Variants in JRK observed in about 807,000 individuals in gnomAD.
The protein encoded by JRK is Jrk helix-turn-helix protein.
For missense variants in JRK, 720 were observed against 509.2 expected, an observed-to-expected ratio of 1.41 and a Z score of -3.98; for synonymous variants, 303 against 218.1, an observed-to-expected ratio of 1.39 and a Z score of -3.43.
chr8:142,659,762 G>A lies in JRK; in HGVS notation c.*4590C>T. ...AAGGTCATGCAGCTGGTGAACAGCA[G>A]GGAGTGAGCAGTGGAGAACGTGAGG... On this transcript the variant is annotated 3_prime_UTR_variant, in exon 2 of 2. Transcript: ENST00000612905. 1.0e-6 allele frequency: 1 copy of A among 985,514 alleles called. No individual in the cohort carries two copies. Among genetic ancestry groups the A allele is most frequent in the Non-Finnish European group, 1.2e-6 (1 of 829,962 alleles). 61.0% of individuals were successfully genotyped at this position (985,514 alleles called of 1,614,324 possible).
At position 142,664,023 on chromosome 8, in the gene JRK, G is replaced by A. The variant is rs1288460754; in HGVS notation, c.*329C>T. The A allele has an allele frequency of 8.8e-7, 1 of 1,130,278 alleles. No homozygotes were observed. The highest frequency in any genetic ancestry group is 4.6e-5 in the East Asian group (1 of 21,678). The allele number at this position is 1,130,278 out of a possible 1,614,324, so 70.0% of individuals were successfully genotyped here. ...CCTCTGATACTGCAATGATCAGCCA[G>A]CGAACACGAGACCAGATCGGCTCAG... On this transcript the variant is annotated 3_prime_UTR_variant, in exon 2 of 2. Coordinates refer to ENST00000612905, the MANE Select transcript of JRK (RefSeq NM_003724.4).
downstream of JRK, among the ~76,000 whole-genome samples, chr8:142,656,500 T>C (rs1476775453): frequency 1.4e-5 from 1 of 69,972 alleles, no homozygotes; most frequent in Non-Finnish European, 3.8e-5. Context: ...GTTAATCCAA[T>C]CAAATTTGGG....
rs781967482 is a variant in JRK, at chr8:142,665,812, T to C, written c.247A>G (p.Thr83Ala). The change falls in exon 2 of 2, where the codon ACG becomes GCG. Residue 83 changes from threonine (T) to alanine (A), a missense_variant. By Grantham distance (58) the Thr-to-Ala change is moderately conservative. Transcript: ENST00000612905. The part of the protein sequence containing the change: ...KALEQRRTLH[T>A]PKLEHLDRVL... ...CGGTCCAGGTGCTCCAGCTTGGGCG[T>C]GTGCAGCGTGCGCCGCTGCTCCAGC... 2 of 778,960 alleles carry C rather than the reference T, an allele frequency of 2.6e-6. No homozygotes were observed. The highest frequency in any genetic ancestry group is 4.8e-6 in the Non-Finnish European group (2 of 417,684). 48.3% of individuals were successfully genotyped at this position (778,960 alleles called of 1,614,324 possible).
At chr8:142,668,870 C>T (rs1847218403) in intron 1 of JRK, among the ~76,000 whole-genome samples, 1 of 151,758 alleles carries the variant, frequency 6.6e-6, no homozygotes, top group South Asian at 2.1e-4. Context: ...GCTGAGTCTC[C>T]TCCAGGACGC....
At chr8:142,655,413 G>T (rs1315895585), downstream of JRK, among the ~76,000 whole-genome samples, 1 of 152,200 alleles carries the variant, frequency 6.6e-6, no homozygotes, top group Non-Finnish European at 1.5e-5. Flanking sequence ...AGGACAACAG[G>T]TGCCACCAGG....
Position 142,665,285 on chromosome 8 carries a change from C to T in JRK, c.774G>A (p.Gly258=). 1 of 717,842 alleles carries T rather than the reference C, an allele frequency of 1.4e-6. No individual in the cohort carries two copies. Among genetic ancestry groups the T allele is most frequent in the South Asian group, 1.5e-5 (1 of 67,596 alleles). 44.5% of individuals were successfully genotyped at this position (717,842 alleles called of 1,614,324 possible). A position where few individuals can be genotyped will look rare whatever the true frequency, so the allele number is the denominator to read the frequency against. Residue 258 remains glycine, a synonymous_variant, in exon 2 of 2, where the codon GGG becomes GGA. Coordinates refer to ENST00000612905, the MANE Select transcript of JRK (RefSeq NM_003724.4). ...AAATCTCCTTGTCCACCCAGGCGTT[C>T]CCCTGGGCCTTATAGGCGACGGGCA... The part of the protein sequence containing the change: ...QHLPVAYKAQ[G]NAWVDKEIFS...
Position 142,659,758 on chromosome 8 carries a change from A to C in JRK, c.*4594T>G, listed in dbSNP as rs3735993. Reference sequence around the variant, plus strand: ...GCTCAAGGTCATGCAGCTGGTGAACAGCAGGGAGTGAGCAGTGGAGAACGT... The same window carrying C: ...GCTCAAGGTCATGCAGCTGGTGAACCGCAGGGAGTGAGCAGTGGAGAACGT... On this transcript the variant is annotated 3_prime_UTR_variant, in exon 2 of 2. Transcript: ENST00000612905. 2.0e-6 allele frequency: 2 copies of C among 985,366 alleles called. No individual in the cohort carries two copies. The highest frequency in any genetic ancestry group is 3.5e-5 in the African/African-American group (2 of 57,288). 61.0% of individuals were successfully genotyped at this position (985,366 alleles called of 1,614,324 possible). A position where few individuals can be genotyped will look rare whatever the true frequency, so the allele number is the denominator to read the frequency against.
Position 142,665,093 on chromosome 8 carries a change from G to A in JRK, c.966C>T (p.Ala322=). ...TGGGCTGCACCAATGAGGCCACGCT[G>A]GCAGGCAGGAAGATGGTGAAAACGT... ...SSNVFTIFLP[A]SVASLVQPME... is the part of the protein sequence containing the mutation. The change falls in exon 2 of 2, where the codon GCC becomes GCT. Residue 322 remains alanine (A), a synonymous_variant. Transcript: ENST00000612905. The A allele has an allele frequency of 2.8e-6, 2 of 717,918 alleles. No homozygotes were observed. The highest frequency in any genetic ancestry group is 2.6e-6 in the Non-Finnish European group (1 of 385,110). 44.5% of individuals were successfully genotyped at this position (717,918 alleles called of 1,614,324 possible).
In JRK at chr8:142,666,341, G is replaced by A; in HGVS notation, c.-283C>T. ...TGCCAATTCTCTCTGTGGAGGAGGTGACCCTGTCAGACTCCCCTCTGCTGC... is the reference window on the plus strand; with the variant it reads ...TGCCAATTCTCTCTGTGGAGGAGGTAACCCTGTCAGACTCCCCTCTGCTGC... On this transcript the variant is annotated 5_prime_UTR_variant, in exon 2 of 2. Transcript: ENST00000612905. 1.9e-6 allele frequency: 1 copy of A among 532,098 alleles called. No individual in the cohort carries two copies. The allele number at this position is 532,098 out of a possible 1,614,324, so 33.0% of individuals were successfully genotyped here. A position where few individuals can be genotyped will look rare whatever the true frequency, so the allele number is the denominator to read the frequency against.
the JRK span, among the ~76,000 whole-genome samples, chr8:142,645,851 C>G: frequency 1.3e-5 from 2 of 152,190 alleles, no homozygotes; most frequent in Non-Finnish European, 2.9e-5. Flanking sequence ...AATTACTTCT[C>G]TTTAAGCTTT....
At position 142,666,128 on chromosome 8, in the gene JRK, C is replaced by G; in HGVS notation, c.-70G>C. On this transcript the variant is annotated 5_prime_UTR_variant, in exon 2 of 2. Coordinates refer to ENST00000612905, the MANE Select transcript of JRK (RefSeq NM_003724.4). ...CCTGGGCTGCTGCCACTACTTCCCT[C>G]TCCTCCTGCTCCCCTTCTGGGGCTC... The G allele has an allele frequency of 6.5e-7, 1 of 1,550,214 alleles. No homozygotes were observed. Among genetic ancestry groups the G allele is most frequent in the Non-Finnish European group, 8.7e-7 (1 of 1,147,182 alleles).
At chr8:142,655,569 G>A (rs777759621), downstream of JRK, among the ~76,000 whole-genome samples, 1 of 150,636 alleles carries the variant, frequency 6.6e-6, no homozygotes, top group Non-Finnish European at 1.5e-5. Flanking sequence ...AAGGGATGCA[G>A]TGAGATCCCA....
chr8:142,654,991 T>C (rs1260779704), downstream of JRK, among the ~76,000 whole-genome samples: 3 of 152,234 alleles, frequency 2.0e-5, no homozygotes, highest in East Asian at 3.9e-4. Flanking sequence ...CAAGGTGGCT[T>C]TGAGGAGGCC....
Position 142,662,755 on chromosome 8 carries a change from G to T in JRK, c.*1597C>A, listed in dbSNP as rs1440088828. ...CTTCATGAGAACAGAGGTTTCAGTG[G>T]AATCAACAGCAGACGCTGGAATGCA... On this transcript the variant is annotated 3_prime_UTR_variant, in exon 2 of 2. Transcript: ENST00000612905. 2.0e-6 allele frequency: 2 copies of T among 985,360 alleles called. No individual in the cohort carries two copies. Among genetic ancestry groups the T allele is most frequent in the African/African-American group, 3.5e-5 (2 of 57,250 alleles). 61.0% of individuals were successfully genotyped at this position (985,360 alleles called of 1,614,324 possible).
chr8:142,665,825 C>A lies in JRK; in HGVS notation c.234G>T (p.Arg78=). 1.3e-6 allele frequency: 1 copy of A among 779,136 alleles called. No homozygotes were observed. The highest frequency in any genetic ancestry group is 2.4e-5 in the East Asian group (1 of 41,244). 48.3% of individuals were successfully genotyped at this position (779,136 alleles called of 1,614,324 possible). A position where few individuals can be genotyped will look rare whatever the true frequency, so the allele number is the denominator to read the frequency against. Residue 78 remains arginine (R), a synonymous_variant, in exon 2 of 2, where the codon CGG becomes CGT. Transcript: ENST00000612905. ...CCAGCTTGGGCGTGTGCAGCGTGCG[C>A]CGCTGCTCCAGCGCCTTGTTGGAGT... ...SSDSNKALEQ[R]RTLHTPKLEH...
rs188539963 is a variant in JRK, at chr8:142,658,249, A to T, written c.*6103T>A. 2 of 152,392 alleles carry T rather than the reference A, an allele frequency of 1.3e-5. No homozygotes were observed. Among genetic ancestry groups the T allele is most frequent in the African/African-American group, 4.8e-5 (2 of 41,594 alleles). 9.4% of individuals were successfully genotyped at this position (152,392 alleles called of 1,614,324 possible). A position where few individuals can be genotyped will look rare whatever the true frequency, so the allele number is the denominator to read the frequency against. Reference sequence around the variant, plus strand: ...AGTCAGTTTTGATTGCGATAACAAAATACCACAGGCTAGGTGTCTTAAACA... The same window carrying T: ...AGTCAGTTTTGATTGCGATAACAAATTACCACAGGCTAGGTGTCTTAAACA... On this transcript the variant is annotated 3_prime_UTR_variant, in exon 2 of 2. Transcript: ENST00000612905.
chr8:142,667,960 T>G (rs1034839708), intron 1 of JRK, among the ~76,000 whole-genome samples: 1 of 152,246 alleles, frequency 6.6e-6, no homozygotes, highest in African/African-American at 2.4e-5. Context: ...AGTCAGGGCC[T>G]GCAATGCACT....
chr8:142,648,368 G>A, the JRK span, among the ~76,000 whole-genome samples: 1 of 152,208 alleles, frequency 6.6e-6, no homozygotes, highest in Non-Finnish European at 1.5e-5. Context: ...CATGCCCAAA[G>A]GCCTAGGGGA....
rs1320766831 is a variant in JRK at position 142,660,521 on chromosome 8, T to G, written c.*3831A>C. 1.3e-6 allele frequency: 1 copy of G among 785,206 alleles called. No homozygotes were observed. Among genetic ancestry groups the G allele is most frequent in the Non-Finnish European group, 1.5e-6 (1 of 647,928 alleles). 48.6% of individuals were successfully genotyped at this position (785,206 alleles called of 1,614,324 possible). On this transcript the variant is annotated 3_prime_UTR_variant, in exon 2 of 2. Transcript: ENST00000612905. ...GCTTGGGGATCCTCCCGCCTCGGCC[T>G]CCTGAGTAGCTGGGGTTACAGGCAC...
Sources: allele counts gnomAD v4.1 joint callset (sites outside exome capture counted in the v4.1 genomes callset), GRCh38; gene constraint gnomAD v4.1.1; transcripts MANE v1.5; gene names NCBI Gene and HGNC (gene_info 2026-07-23, HGNC 2026-07-21).